SORL1: variants seen among roughly 807,000 people sequenced by gnomAD.
SORL1 encodes the protein sortilin related receptor 1, also known as sortilin-related receptor.
A neutral mutation model predicts 273.7 loss-of-function variants in SORL1; 127 were observed. The observed-to-expected ratio is 0.46, with a 90% CI of 0.40 to 0.54. The LOEUF (loss-of-function observed/expected upper bound fraction) is 0.54. SORL1 is among the 20% of genes least tolerant of loss of function. The pLI is 0.00. For missense variants in SORL1, 2,494 were observed against 2,846.1 expected (o/e 0.88, Z 2.81); for synonymous variants, 1,031 against 1,067.4 (o/e 0.97, Z 0.66).
intron 2 of SORL1, among the ~76,000 whole-genome samples, chr11:121,470,427 C>T (rs1403464918): frequency 6.6e-6 from 1 of 152,216 alleles, no homozygotes; most frequent in Non-Finnish European, 1.5e-5. Flanking sequence ...GAGCTGCCTG[C>T]CTGCAGCTGA....
chr11:121,562,278 A>T (rs1343121493), intron 21 of SORL1, among the ~76,000 whole-genome samples: 1 of 152,150 alleles, frequency 6.6e-6, no homozygotes, highest in Non-Finnish European at 1.5e-5. Flanking sequence ...CTAAGAAAGA[A>T]TGTGACTCCT....
chr11:121,570,091 AC>A (rs1311360199), intron 22 of SORL1, 65 bp from the exon 23 acceptor site: 4 of 1,028,652 alleles, frequency 3.9e-6, no homozygotes, highest in Non-Finnish European at 5.9e-6. Context: ...AAAGAGAAAG[AC>A]CTGTGGTCCA....
Position 121,625,216 on chromosome 11 carries a change from C to T in SORL1, c.6303C>T (p.Cys2101=). The stretch of plus-strand genomic sequence containing the variant: ...ACACGTTCACCGTCCAAGCAAGATG[C>T]CTTTTTGGCAACCAGATCTGTGGGG... ...HNYTFTVQAR[C]LFGNQICGEP... is the part of the protein sequence containing the mutation. Residue 2101 remains cysteine, a synonymous_variant, in exon 46 of 48, where the codon TGC becomes TGT. Transcript: ENST00000260197. 6.2e-7 allele frequency: 1 copy of T among 1,614,074 alleles called. No individual in the cohort carries two copies. Among genetic ancestry groups the T allele is most frequent in the Non-Finnish European group, 8.5e-7 (1 of 1,179,998 alleles).
chr11:121,523,010 C>T, intron 11 of SORL1, 21 bp downstream of exon 11: 1 of 1,491,370 alleles, frequency 6.7e-7, no homozygotes. Context: ...TCCCCCAATC[C>T]CGTCCCCTCC....
intron 14 of SORL1, among the ~76,000 whole-genome samples, chr11:121,547,417 CAAAAAAAAAAAA>C (rs67390938): frequency 4.2e-4 from 10 of 24,034 alleles, no homozygotes; most frequent in Admixed American, 2.1e-3. Flanking sequence ...CAACCCTCAC[CAAAAAAAAAAAA>C]AAAAAAAAAA....
At chr11:121,465,011 A>C (rs1332978893) in intron 1 of SORL1, among the ~76,000 whole-genome samples, 1 of 152,212 alleles carries the variant, frequency 6.6e-6, no homozygotes, top group African/African-American at 2.4e-5. Context: ...AGGCCTTAAA[A>C]AAATTTGAGT....
intron 16 of SORL1, among the ~76,000 whole-genome samples, chr11:121,552,114 G>A (rs1862515960): frequency 6.6e-6 from 1 of 152,054 alleles, no homozygotes; most frequent in Non-Finnish European, 1.5e-5. Flanking sequence ...TCCATTGTGG[G>A]CCACCTCCTA....
chr11:121,464,558 G>A (rs1861053650), intron 1 of SORL1, among the ~76,000 whole-genome samples: 1 of 152,180 alleles, frequency 6.6e-6, no homozygotes, highest in Non-Finnish European at 1.5e-5. Context: ...GGTGGTAGCA[G>A]GTCCTTCCCC....
intron 22 of SORL1, among the ~76,000 whole-genome samples, chr11:121,569,823 C>G (rs1045121022): frequency 1.7e-4 from 26 of 152,334 alleles, no homozygotes; most frequent in Non-Finnish European, 2.1e-4. Flanking sequence ...TATTCGTACA[C>G]TCCCTCCCCT....
rs141193959 is a variant in SORL1 at position 121,477,204 on chromosome 11, T to A, written c.403-914T>A. On this transcript the variant is annotated intron_variant, in intron 2 of 47. Transcript: ENST00000260197. ...GCTTGTTTTTAACCCCGTGATTATA[T>A]TAATTATTTCACATCTCACAGGTAG... is the stretch of plus-strand genomic sequence containing the variant. 2.3e-4 allele frequency among the ~76,000 whole-genome samples: 35 copies of A among 152,164 alleles called. 1 individual carries two copies. The East Asian group carries it at 5.6e-3, about 24-fold the overall frequency.
chr11:121,566,379 T>A (rs186114188), intron 21 of SORL1, among the ~76,000 whole-genome samples: 267 of 147,644 alleles, frequency 1.8e-3, no homozygotes, highest in Middle Eastern at 3.5e-3. Flanking sequence ...AAAAAAAAAA[T>A]TTTTTTTAAG....
At chr11:121,559,438 C>G (rs1862639826) in intron 20 of SORL1, 81 bp from the exon 21 acceptor site, 1 of 1,419,560 alleles carries the variant, frequency 7.0e-7, no homozygotes, top group Admixed American at 2.2e-5. Context: ...TTGTCTCCTG[C>G]CTGGGGGAAC....
At chr11:121,513,791 T>G (rs1361099297) in intron 7 of SORL1, among the ~76,000 whole-genome samples, 1 of 152,190 alleles carries the variant, frequency 6.6e-6, no homozygotes, top group Non-Finnish European at 1.5e-5. Flanking sequence ...TTGGTCACCT[T>G]AGGAAAAATA....
chr11:121,532,937 G>A (rs1438532667), intron 12 of SORL1, among the ~76,000 whole-genome samples: 3 of 152,012 alleles, frequency 2.0e-5, no homozygotes, highest in African/African-American at 7.3e-5. Context: ...ACCTGCTTCG[G>A]CCTCCCAAAA....
chr11:121,508,278 G>T (rs975078977), intron 6 of SORL1, among the ~76,000 whole-genome samples: 1 of 152,044 alleles, frequency 6.6e-6, no homozygotes, highest in Admixed American at 6.6e-5. Flanking sequence ...GCATACTCAC[G>T]GCTCTTATGT....
chr11:121,545,990 G>A (rs1862420534), intron 14 of SORL1, among the ~76,000 whole-genome samples: 2 of 152,232 alleles, frequency 1.3e-5, no homozygotes, highest in Non-Finnish European at 2.9e-5. Context: ...CTATTGAAAG[G>A]AAGGAGAGGG....
intron 4 of SORL1, among the ~76,000 whole-genome samples, chr11:121,489,746 A>G (rs904472875): frequency 2.6e-5 from 4 of 152,220 alleles, no homozygotes; most frequent in African/African-American, 9.6e-5. Flanking sequence ...TTTGGTTTTT[A>G]CCATTACCTA....
chr11:121,475,758 C>A (rs1047816017), intron 2 of SORL1, among the ~76,000 whole-genome samples: 1 of 152,182 alleles, frequency 6.6e-6, no homozygotes, highest in Non-Finnish European at 1.5e-5. Context: ...CTCTTACTAG[C>A]GGTATGACCC....
intron 44 of SORL1, among the ~76,000 whole-genome samples, chr11:121,621,710 C>T (rs982786604): frequency 6.6e-6 from 1 of 152,152 alleles, no homozygotes; most frequent in African/African-American, 2.4e-5. Context: ...GTAGTAAGCT[C>T]CGTTGCTCAG....
Sources: allele counts gnomAD v4.1 joint callset (sites outside exome capture counted in the v4.1 genomes callset), GRCh38; gene constraint gnomAD v4.1.1; transcripts MANE v1.5; gene names NCBI Gene and HGNC (gene_info 2026-07-23, HGNC 2026-07-21).